The following ATE1 variants were observed in gnomAD, a reference collection of about 807,000 sequenced individuals.
ATE1 encodes arginyltransferase 1, also known as arginyl-tRNA--protein transferase 1.
ATE1 carries 36 observed loss-of-function variants against 70.5 expected under a neutral mutation model. The observed-to-expected ratio is 0.51, with a 90% CI of 0.39 to 0.67. The LOEUF (loss-of-function observed/expected upper bound fraction) is 0.67. Ranked by LOEUF, ATE1 falls within the 30% of genes least tolerant of loss-of-function variation. The pLI is 0.00. For synonymous variants in ATE1, 232 were observed against 219.3 expected (o/e 1.06, Z -0.51); for missense variants, 593 against 629.5 (o/e 0.94, Z 0.62).
chr10:121,893,073 C>G (rs1323833078), intron 7 of ATE1, among the ~76,000 whole-genome samples: 1 of 151,870 alleles, frequency 6.6e-6, no homozygotes, highest in African/African-American at 2.4e-5. Flanking sequence ...GTCAGGAGAT[C>G]GAGACCATCC....
chr10:121,918,757 A>G (rs146356123), intron 3 of ATE1, among the ~76,000 whole-genome samples: 1 of 113,520 alleles, frequency 8.8e-6, no homozygotes, highest in East Asian at 2.9e-4. Flanking sequence ...ACCAGACCCC[A>G]TTTTTCTCAT....
At chr10:121,874,380 CAAAAG>C (rs995601691) in intron 7 of ATE1, among the ~76,000 whole-genome samples, 6 of 151,972 alleles carry the variant, frequency 3.9e-5, no homozygotes, top group African/African-American at 1.2e-4. Context: ...TTTGATTCCA[CAAAAG>C]AAAAAAGTTT....
intron 3 of ATE1, among the ~76,000 whole-genome samples, chr10:121,918,627 T>C (rs967107136): frequency 6.6e-6 from 1 of 152,316 alleles, no homozygotes; most frequent in Non-Finnish European, 1.5e-5. Flanking sequence ...AAATTGCTAA[T>C]TGAAGACAAA....
At chr10:121,797,795 C>G (rs1414024408) in intron 10 of ATE1, among the ~76,000 whole-genome samples, 4 of 152,192 alleles carry the variant, frequency 2.6e-5, no homozygotes, top group Non-Finnish European at 5.9e-5. Context: ...CTTCTGGTCA[C>G]AGCTACTTTA....
chr10:121,927,140 G>C, intron 1 of ATE1: 2 of 985,362 alleles, frequency 2.0e-6, no homozygotes, highest in Non-Finnish European at 2.4e-6. Context: ...TTGTTTACCA[G>C]CAACAAATCT....
intron 10 of ATE1, among the ~76,000 whole-genome samples, chr10:121,816,657 T>C (rs1182458560): frequency 6.6e-6 from 1 of 152,224 alleles, no homozygotes; most frequent in Admixed American, 6.5e-5. Context: ...CAGAAACCAC[T>C]GGCACCTTGA....
chr10:121,920,213 T>C lies in ATE1; in HGVS notation c.233+2136A>G, dbSNP rs557606212. 3.3e-5 allele frequency among the ~76,000 whole-genome samples: 5 copies of C among 152,108 alleles called. No homozygotes were observed. The South Asian group carries it at 1.0e-3, about 32-fold the overall frequency. ...ATCAAAAAAAAAGGTTCAGGTGCAG[T>C]AGTAGCTCACACCTATAATCCCAGC... On this transcript the variant is annotated intron_variant, in intron 3 of 11. Coordinates refer to ENST00000224652, the MANE Select transcript of ATE1 (RefSeq NM_001001976.3).
At chr10:121,743,975 T>G in intron 11 of ATE1, 117 bp from the exon 12 acceptor site, 2 of 1,159,192 alleles carry the variant, frequency 1.7e-6, no homozygotes, top group Non-Finnish European at 2.3e-6. Context: ...CAGGCTGGAG[T>G]GCAGTGGCGC....
chr10:121,817,790 A>C (rs188462555), intron 10 of ATE1, among the ~76,000 whole-genome samples: 1 of 152,272 alleles, frequency 6.6e-6, no homozygotes, highest in Admixed American at 6.5e-5. Context: ...CATGTTATAC[A>C]AAAGCAGAAG....
intron 8 of ATE1, among the ~76,000 whole-genome samples, chr10:121,862,030 G>A (rs1236445420): frequency 6.6e-6 from 1 of 152,100 alleles, no homozygotes; most frequent in East Asian, 1.9e-4. Context: ...AAACACAGCT[G>A]AGCCTCCCAG....
At chr10:121,887,371 G>A (rs1319553331) in intron 7 of ATE1, among the ~76,000 whole-genome samples, 3 of 152,080 alleles carry the variant, frequency 2.0e-5, no homozygotes, top group Admixed American at 6.6e-5. Context: ...AGTAGATATC[G>A]CCTCCTATTT....
In ATE1 at chr10:121,842,049, T is replaced by G. The variant is rs148361368; in HGVS notation, c.976-786A>C. On this transcript the variant is annotated intron_variant, in intron 8 of 11. Coordinates refer to ENST00000224652, the MANE Select transcript of ATE1 (RefSeq NM_001001976.3). ...CTGCCAGTTAAGCCTGTTCTGTGAG[T>G]GCCTCAGCTCTGAGAAGGTACACAA... Among the ~76,000 whole-genome samples the G allele has an allele frequency of 7.0e-3, 1,060 of 152,264 alleles. 9 individuals are homozygous for G. Among genetic ancestry groups the G allele is most frequent in the African/African-American group, 0.023 (961 of 41,556 alleles).
At chr10:121,780,900 G>T (rs1945959296) in intron 11 of ATE1, among the ~76,000 whole-genome samples, 1 of 152,174 alleles carries the variant, frequency 6.6e-6, no homozygotes, top group African/African-American at 2.4e-5. Flanking sequence ...GAGTGTGCTT[G>T]ATAACTGTCT....
At chr10:121,822,586 C>A (rs17102625) in intron 10 of ATE1, among the ~76,000 whole-genome samples, 4,904 of 152,226 alleles carry the variant, frequency 0.032, 150 homozygotes, top group African/African-American at 0.08. Context: ...GACACGAATT[C>A]ACAGAAAACA....
chr10:121,925,019 T>C (rs541477027), intron 1 of ATE1, among the ~76,000 whole-genome samples: 3 of 152,352 alleles, frequency 2.0e-5, no homozygotes, highest in Non-Finnish European at 2.9e-5. Flanking sequence ...AAATGTTTTG[T>C]GCTTATTAGT....
chr10:121,873,362 G>T (rs1169804158), intron 7 of ATE1, among the ~76,000 whole-genome samples: 1 of 152,114 alleles, frequency 6.6e-6, no homozygotes, highest in Admixed American at 6.5e-5. Flanking sequence ...CACAGACAGT[G>T]CTCACGCTCC....
At chr10:121,799,265 G>A (rs567834175) in intron 10 of ATE1, among the ~76,000 whole-genome samples, 56 of 152,224 alleles carry the variant, frequency 3.7e-4, no homozygotes, top group Middle Eastern at 3.4e-3. Context: ...ACAGAAGCAC[G>A]AAGGAGCTGG....
chr10:121,846,267 T>A (rs536249810), intron 8 of ATE1, among the ~76,000 whole-genome samples: 2 of 152,136 alleles, frequency 1.3e-5, no homozygotes. Context: ...GACTTTATAA[T>A]CCCAAGTATG....
chr10:121,920,376 A>T (rs1951831965), intron 3 of ATE1, among the ~76,000 whole-genome samples: 1 of 152,020 alleles, frequency 6.6e-6, no homozygotes, highest in Admixed American at 6.6e-5. Flanking sequence ...TATAAAAAAA[A>T]ATGTAATTTG....
Sources: gnomAD v4.1 joint callset for allele counts (sites outside exome capture counted in the v4.1 genomes callset) on GRCh38, gnomAD v4.1.1 for gene constraint, MANE v1.5 for transcripts, NCBI Gene and HGNC (gene_info 2026-07-23, HGNC 2026-07-21) for gene names.